Variants in RYR2 observed in about 807,000 individuals in gnomAD.
RYR2 encodes the protein cardiac muscle ryanodine receptor-calcium release channel.
In RYR2, 227 loss-of-function variants were observed where a neutral mutation model predicts 601.1. That is an observed-to-expected ratio of 0.38 (90% CI 0.34 to 0.42). The LOEUF (loss-of-function observed/expected upper bound fraction) is 0.42. RYR2 is among the 10% of genes least tolerant of loss of function. RYR2 has a pLI of 1.00. For synonymous variants in RYR2, 2,223 were observed against 2,175.1 expected (o/e 1.02, Z -0.61); for missense variants, 4,646 against 6,156.5 (o/e 0.75, Z 8.21).
chr1:237,714,647 GAGAT>G (rs1272608440), intron 71 of RYR2, among the ~76,000 whole-genome samples: 1 of 152,072 alleles, frequency 6.6e-6, no homozygotes, highest in Non-Finnish European at 1.5e-5. Flanking sequence ...GTGAGAGACA[GAGAT>G]AGAGAGGAGG....
intron 63 of RYR2, among the ~76,000 whole-genome samples, chr1:237,688,668 T>G (rs1686657270): frequency 6.6e-6 from 1 of 152,114 alleles, no homozygotes; most frequent in Non-Finnish European, 1.5e-5. Flanking sequence ...TTCACTGACT[T>G]TTGTTTAACT....
intron 2 of RYR2, among the ~76,000 whole-genome samples, chr1:237,321,630 G>A (rs1323436984): frequency 6.6e-6 from 1 of 152,148 alleles, no homozygotes; most frequent in Non-Finnish European, 1.5e-5. Context: ...ATGAGGAGGT[G>A]GGAGGGAACC....
At chr1:237,257,377 A>G (rs1222050983) in intron 1 of RYR2, among the ~76,000 whole-genome samples, 1 of 152,164 alleles carries the variant, frequency 6.6e-6, no homozygotes, top group Non-Finnish European at 1.5e-5. Context: ...GCTGTGCTAT[A>G]TGATAGGTAT....
intron 63 of RYR2, among the ~76,000 whole-genome samples, chr1:237,690,185 G>A (rs970834645): frequency 3.9e-5 from 6 of 152,110 alleles, no homozygotes; most frequent in African/African-American, 1.4e-4. Context: ...ATGGGTATTG[G>A]TATAGTATTT....
intron 17 of RYR2, among the ~76,000 whole-genome samples, chr1:237,484,368 G>T (rs557961456): frequency 8.5e-5 from 13 of 152,222 alleles, no homozygotes; most frequent in East Asian, 7.7e-4. Context: ...AGTACCATGG[G>T]GGGTGGGGCA....
rs1056392680 is a variant in RYR2, at chr1:237,610,871, G to A, written c.4793G>A (p.Arg1598Lys). Reference sequence around the variant, plus strand: ...TTCCTGTCACACGTCCTGTGGAGCAGAATGCCCAACCAGTTTTTGAAGGTA... The same window carrying A: ...TTCCTGTCACACGTCCTGTGGAGCAAAATGCCCAACCAGTTTTTGAAGGTA... ...VQFLSHVLWS[R>K]MPNQFLKVDV... The change falls in exon 36 of 105, where the codon AGA (arginine) becomes AAA (lysine). Residue 1598 changes from arginine to lysine, a missense_variant. By Grantham distance (26) the Arg-to-Lys change is conservative. Transcript: ENST00000366574. The surrounding 1 kb of genome is among the most constrained non-coding windows in gnomAD (Gnocchi z 4.9). 3 of 1,613,294 alleles carry A rather than the reference G, an allele frequency of 1.9e-6. No individual in the cohort carries two copies. The highest frequency in any genetic ancestry group is 2.5e-6 in the Non-Finnish European group (3 of 1,179,692).
Position 237,106,986 on chromosome 1 carries a change from G to T in RYR2, c.48+64417G>T, listed in dbSNP as rs543514259. Among the ~76,000 whole-genome samples the T allele has an allele frequency of 5.9e-4, 90 of 152,182 alleles. 1 individual carries two copies. Among genetic ancestry groups the T allele is most frequent in the Middle Eastern group, 3.4e-3 (1 of 294 alleles). On this transcript the variant is annotated intron_variant, in intron 1 of 104. Transcript: ENST00000366574. This position sits in a 1 kb window ranked among gnomAD's most constrained non-coding sequence, Gnocchi z 4.4. ...AAGATTTTAACATATGATTTTGGGG[G>T]GACTGAGGGACATAAACATTTAGTC...
At chr1:237,312,448 G>A (rs1203668164) in intron 2 of RYR2, among the ~76,000 whole-genome samples, 1 of 152,130 alleles carries the variant, frequency 6.6e-6, no homozygotes, top group African/African-American at 2.4e-5. Flanking sequence ...TAAGTGTCCC[G>A]CACTTGCAGT....
chr1:237,234,258 A>G (rs193139542), intron 1 of RYR2, among the ~76,000 whole-genome samples: 3 of 152,280 alleles, frequency 2.0e-5, no homozygotes, highest in African/African-American at 7.2e-5. Flanking sequence ...TTAGATAACA[A>G]GGTCATGGAA....
At chr1:237,565,262 CTTTG>C (rs1158872398) in intron 27 of RYR2, among the ~76,000 whole-genome samples, 72 of 130,636 alleles carry the variant, frequency 5.5e-4, no homozygotes, top group African/African-American at 1.7e-3. Context: ...CTTTCTTTCT[CTTTG>C]TTTGTTTGTT....
intron 2 of RYR2, among the ~76,000 whole-genome samples, chr1:237,282,564 T>C (rs1335196534): frequency 1.3e-5 from 2 of 152,166 alleles, no homozygotes; most frequent in Non-Finnish European, 2.9e-5. Context: ...CTGTCAGAGA[T>C]ATGATAGAGG....
At chr1:237,443,313 C>T (rs568881629) in intron 13 of RYR2, among the ~76,000 whole-genome samples, 13 of 152,090 alleles carry the variant, frequency 8.5e-5, no homozygotes, top group African/African-American at 2.9e-4. Flanking sequence ...TGTGAATTTC[C>T]ACTCCTATTT....
chr1:237,671,257 T>C (rs1305965392), intron 58 of RYR2, among the ~76,000 whole-genome samples: 9 of 152,210 alleles, frequency 5.9e-5, no homozygotes, highest in African/African-American at 2.2e-4. Flanking sequence ...TTTTAGGTTA[T>C]TGAGATTAGC....
chr1:237,361,404 C>G (rs1004071101), intron 4 of RYR2, among the ~76,000 whole-genome samples: 3 of 152,094 alleles, frequency 2.0e-5, no homozygotes, highest in Non-Finnish European at 4.4e-5. Flanking sequence ...AGAATCCTAG[C>G]ATCTTGATAC....
At chr1:237,350,426 C>T (rs1309809633) in intron 3 of RYR2, among the ~76,000 whole-genome samples, 29 of 150,658 alleles carry the variant, frequency 1.9e-4, no homozygotes, top group Admixed American at 1.9e-3. Context: ...AAAAAATTAG[C>T]CAAGCATGGT....
At chr1:237,155,356 T>G (rs1262542274) in intron 1 of RYR2, among the ~76,000 whole-genome samples, 1 of 151,942 alleles carries the variant, frequency 6.6e-6, no homozygotes, top group Admixed American at 6.6e-5. Flanking sequence ...TTTGTATTTT[T>G]TAGTAGAGAT....
intron 11 of RYR2, among the ~76,000 whole-genome samples, chr1:237,421,104 T>A (rs1705519910): frequency 6.6e-6 from 1 of 152,154 alleles, no homozygotes; most frequent in African/African-American, 2.4e-5. Flanking sequence ...CCGGGCGCGG[T>A]GGCTGGCGCC....
chr1:237,288,608 C>G (rs553913485), intron 2 of RYR2, among the ~76,000 whole-genome samples: 31 of 152,146 alleles, frequency 2.0e-4, no homozygotes, highest in East Asian at 1.6e-3. Flanking sequence ...CCAGTAGTCA[C>G]AGGCCTCACC....
At chr1:237,440,013 A>G (rs1207131003) in intron 12 of RYR2, among the ~76,000 whole-genome samples, 2 of 152,204 alleles carry the variant, frequency 1.3e-5, no homozygotes, top group Non-Finnish European at 2.9e-5. Context: ...AGATACTTAG[A>G]ATAGTGTTTC....
Sources: allele counts gnomAD v4.1 joint callset (sites outside exome capture counted in the v4.1 genomes callset), GRCh38; gene constraint gnomAD v4.1.1; non-coding constraint Gnocchi (gnomAD v3.1); transcripts MANE v1.5; gene names NCBI Gene and HGNC (gene_info 2026-07-23, HGNC 2026-07-21).